The following ADGRB1 variants were observed in gnomAD, a reference collection of about 807,000 sequenced individuals.
ADGRB1 encodes the protein brain-specific angiogenesis inhibitor 1.
A neutral mutation model predicts 175.7 loss-of-function variants in ADGRB1; 36 were observed. That is an observed-to-expected ratio of 0.20 (90% confidence interval 0.16 to 0.27). The LOEUF is 0.27. Among genes scored for constraint, ADGRB1 ranks in the 10% least tolerant of loss-of-function variants. The pLI, the probability that ADGRB1 is intolerant of heterozygous loss-of-function variation, is 1.00. For missense variants in ADGRB1, 1,731 were observed against 2,255.3 expected (o/e 0.77, Z 4.71); for synonymous variants, 1,054 against 979.4 (o/e 1.08, Z -1.42).
intron 2 of ADGRB1, among the ~76,000 whole-genome samples, chr8:142,473,263 G>T (rs1346417114): frequency 6.6e-6 from 1 of 152,148 alleles, no homozygotes; most frequent in Non-Finnish European, 1.5e-5. Flanking sequence ...GGCGAGGGGG[G>T]TGCCGCAGGA....
At position 142,520,890 on chromosome 8, in the gene ADGRB1, C is replaced by T; in HGVS notation, c.2989C>T (p.Leu997Phe). Residue 997 changes from leucine to phenylalanine, a missense_variant, in exon 20 of 31, where the codon CTC (leucine) becomes TTC (phenylalanine). By Grantham distance (22) the Leu-to-Phe change is conservative (BLOSUM62 0). Transcript: ENST00000517894. ...FCLSIISSNALILIGQTQTRN... is the reference protein window; with the variant it reads ...FCLSIISSNAFILIGQTQTRN... The stretch of plus-strand genomic sequence containing the variant: ...CCTGTCCATCATCTCCTCCAATGCC[C>T]TCATCCTCATCGGGCAGACCCAGAC... The T allele has an allele frequency of 6.2e-7, 1 of 1,613,672 alleles. No homozygotes were observed. Among genetic ancestry groups the T allele is most frequent in the Non-Finnish European group, 8.5e-7 (1 of 1,179,702 alleles).
In ADGRB1 at chr8:142,484,640, C is replaced by A; in HGVS notation, c.2200-16C>A. On this transcript the variant is annotated splice_polypyrimidine_tract_variant and intron_variant, in intron 12 of 30. Coordinates refer to ENST00000517894, the MANE Select transcript of ADGRB1 (RefSeq NM_001702.3). ...TGGGGCCTCCTCCCTCGGCTGCTCA[C>A]CCCCCTGCCCTCCAGGCGGGCCCCA... is the stretch of plus-strand genomic sequence containing the variant. 1 of 1,598,718 alleles carries A rather than the reference C, an allele frequency of 6.3e-7. No homozygotes were observed. The highest frequency in any genetic ancestry group is 8.5e-7 in the Non-Finnish European group (1 of 1,173,584).
intron 11 of ADGRB1, among the ~76,000 whole-genome samples, chr8:142,482,392 A>ATG (rs1841404084): frequency 6.7e-6 from 1 of 150,114 alleles, no homozygotes; most frequent in East Asian, 2.0e-4. Context: ...TTCTGGTTAC[A>ATG]CTCAGAACCC....
rs527791965 is a variant in ADGRB1, at chr8:142,537,676, G to A, written c.3666+594G>A. Among the ~76,000 whole-genome samples, 5 of 152,188 alleles carry A rather than the reference G, an allele frequency of 3.3e-5. No individual in the cohort carries two copies. In the East Asian group the frequency reaches 9.7e-4, roughly 30 times the overall value. ...TGCCCATCCTGGTGTCCTCAGCGGT[G>A]TGTTCTGCACCCCCCGCCCCTGCCT... On this transcript the variant is annotated intron_variant, in intron 26 of 30. Coordinates refer to ENST00000517894, the MANE Select transcript of ADGRB1 (RefSeq NM_001702.3). This position sits in a 1 kb window ranked among gnomAD's most constrained non-coding sequence, Gnocchi z 4.6.
rs112756642 is a variant in ADGRB1, at chr8:142,488,282, C to T, written c.2309-82C>T. The T allele has an allele frequency of 1.8e-3, 2,763 of 1,558,558 alleles. 57 individuals are homozygous for T. In the African/African-American group the frequency reaches 0.033, roughly 19 times the overall value. On this transcript the variant is annotated intron_variant, in intron 13 of 30. Coordinates refer to ENST00000517894, the MANE Select transcript of ADGRB1 (RefSeq NM_001702.3). ...ATCAGCCTGCACTGCCAGGCCTGCA[C>T]CTCAACTCCCGCAGCTGAGGCCCCG...
In ADGRB1 at chr8:142,464,944, C is replaced by A; in HGVS notation, c.746C>A (p.Thr249Asn). ...GCTGGTGGCCCTGAAAACTGCCTCA[C>A]CAGCCTGACCCAGGACCGGGGCGGG... The part of the protein sequence containing the change: ...AVAGGPENCL[T>N]SLTQDRGGHG... The change falls in exon 2 of 31, where the codon ACC (threonine) becomes AAC (asparagine). Residue 249 changes from threonine to asparagine, a missense_variant. Thr to Asn is a moderately conservative substitution (Grantham distance 65, BLOSUM62 0). Coordinates refer to ENST00000517894, the MANE Select transcript of ADGRB1 (RefSeq NM_001702.3). The A allele has an allele frequency of 2.0e-6, 3 of 1,528,276 alleles. No homozygotes were observed. Among genetic ancestry groups the A allele is most frequent in the Non-Finnish European group, 2.6e-6 (3 of 1,142,960 alleles). 94.7% of individuals were successfully genotyped at this position (1,528,276 alleles called of 1,614,324 possible).
intron 1 of ADGRB1, among the ~76,000 whole-genome samples, chr8:142,454,797 A>T (rs1042494546): frequency 2.0e-5 from 3 of 151,696 alleles, no homozygotes; most frequent in Admixed American, 1.3e-4. Flanking sequence ...TTCTTTTTTC[A>T]TACTAACTCA....
Position 142,504,947 on chromosome 8 carries a change from T to C in ADGRB1, c.2676-5985T>C, listed in dbSNP as rs1842780974. 6.6e-6 allele frequency among the ~76,000 whole-genome samples: 1 copy of C among 151,840 alleles called. No individual in the cohort carries two copies. The highest frequency in any genetic ancestry group is 2.4e-5 in the African/African-American group (1 of 41,304). On this transcript the variant is annotated intron_variant, in intron 17 of 30. Transcript: ENST00000517894. This position sits in a 1 kb window ranked among gnomAD's most constrained non-coding sequence, Gnocchi z 5.6. ...ACCCTGTGAGTCATTCACACTAGAG[T>C]GTGAATTAGCCCATCAAATCCAAGG...
In ADGRB1 at chr8:142,518,234, G is replaced by C. The variant is rs377716870; in HGVS notation, c.2914G>C (p.Val972Leu). The C allele has an allele frequency of 3.0e-5, 48 of 1,613,432 alleles. No individual in the cohort carries two copies. The highest frequency in any genetic ancestry group is 3.2e-5 in the Non-Finnish European group (38 of 1,179,752). ...LLMLVIIYVS[V>L]WRYIRSERSV... ...CATGCTGGTCATCATCTACGTGTCC[G>C]TGTGGAGGTGGGTGCCGCCCAGGTG... Residue 972 changes from valine to leucine, a missense_variant, in exon 19 of 31, where the codon GTG becomes CTG. Physicochemically the swap from Val to Leu is conservative, Grantham distance 32 (BLOSUM62 1). This residue lies in a region of ADGRB1 where 301 missense variants were observed against 488.4 expected (regional missense o/e 0.62). Transcript: ENST00000517894.
At chr8:142,489,214 G>A in intron 15 of ADGRB1, 104 bp downstream of exon 15, 5 of 1,545,730 alleles carry the variant, frequency 3.2e-6, no homozygotes, top group Non-Finnish European at 4.4e-6. Context: ...CTGGAGGAGT[G>A]TGGATGATGG....
intron 6 of ADGRB1, 131 bp from the exon 7 acceptor site, chr8:142,478,056 C>T (rs1157910985): frequency 1.8e-5 from 23 of 1,267,442 alleles, no homozygotes; most frequent in Non-Finnish European, 2.3e-5. Flanking sequence ...GTGGTGGCCC[C>T]CAGGGTGTTC....
chr8:142,539,337 G>C (rs773323512), intron 26 of ADGRB1, 37 bp from the exon 27 acceptor site: 2 of 1,560,820 alleles, frequency 1.3e-6, no homozygotes, highest in Non-Finnish European at 1.7e-6. Flanking sequence ...CCCGCTCCCA[G>C]AGGCGCTCAC....
rs1046757160 is a variant in ADGRB1 at position 142,544,694 on chromosome 8, G to A, written c.*277G>A. 4.3e-5 allele frequency: 13 copies of A among 305,812 alleles called. No individual in the cohort carries two copies. The highest frequency in any genetic ancestry group is 2.1e-4 in the Admixed American group (4 of 19,254). The allele number at this position is 305,812 out of a possible 1,614,324, so 18.9% of individuals were successfully genotyped here. Reference sequence around the variant, plus strand: ...GCCGAGGCCCAGCGGGCAGATGGGCGGACGGCTGTGGACCGTGGACAGGCC... The same window carrying A: ...GCCGAGGCCCAGCGGGCAGATGGGCAGACGGCTGTGGACCGTGGACAGGCC... On this transcript the variant is annotated 3_prime_UTR_variant, in exon 31 of 31. Coordinates refer to ENST00000517894, the MANE Select transcript of ADGRB1 (RefSeq NM_001702.3).
chr8:142,490,623 C>T (rs1841936253), intron 16 of ADGRB1, 149 bp from the exon 17 acceptor site: 1 of 890,488 alleles, frequency 1.1e-6, no homozygotes, highest in South Asian at 1.7e-5. Flanking sequence ...ACCCTGGACT[C>T]AGTTTCCTCC....
intron 13 of ADGRB1, among the ~76,000 whole-genome samples, chr8:142,487,266 T>A (rs1325595808): frequency 2.6e-5 from 4 of 152,066 alleles, no homozygotes; most frequent in African/African-American, 4.8e-5. Context: ...AGGGTGCTGC[T>A]CCAGCGTCCG....
At chr8:142,452,436 G>C (rs1449826727) in intron 1 of ADGRB1, among the ~76,000 whole-genome samples, 1 of 152,166 alleles carries the variant, frequency 6.6e-6, no homozygotes, top group Non-Finnish European at 1.5e-5. Flanking sequence ...TCCGGATCCC[G>C]GGCTAGGGAG....
At chr8:142,529,891 C>T (rs1844504907) in intron 24 of ADGRB1, among the ~76,000 whole-genome samples, 1 of 144,764 alleles carries the variant, frequency 6.9e-6, no homozygotes, top group Non-Finnish European at 1.5e-5. Context: ...TGTGAACGTG[C>T]ATCTGTGTGG....
In ADGRB1 at chr8:142,464,312, C is replaced by T. The variant is rs970885605; in HGVS notation, c.114C>T (p.Pro38=). The T allele has an allele frequency of 2.2e-5, 31 of 1,440,804 alleles. No individual in the cohort carries two copies. Among genetic ancestry groups the T allele is most frequent in the Admixed American group, 5.7e-5 (2 of 35,296 alleles). 89.3% of individuals were successfully genotyped at this position (1,440,804 alleles called of 1,614,324 possible). ...ARAAAGADAG[P]GPEPCATLVQ... ...CGGCCGCCGGAGCAGACGCGGGGCC[C>T]GGGCCCGAGCCGTGCGCCACGCTGG... The change falls in exon 2 of 31, where the codon CCC becomes CCT. Residue 38 remains proline (P), a synonymous_variant. Transcript: ENST00000517894.
chr8:142,537,032 G>A lies in ADGRB1; in HGVS notation c.3616G>A (p.Gly1206Ser), dbSNP rs1191980067. 6.3e-7 allele frequency: 1 copy of A among 1,590,804 alleles called. No homozygotes were observed. The highest frequency in any genetic ancestry group is 1.1e-5 in the South Asian group (1 of 87,570). Residue 1206 changes from glycine (G) to serine (S), a missense_variant, in exon 26 of 31, where the codon GGC becomes AGC. By Grantham distance (56) the Gly-to-Ser change is moderately conservative. This residue lies in a region of ADGRB1 where 301 missense variants were observed against 488.4 expected (regional missense o/e 0.62). Transcript: ENST00000517894. The surrounding 1 kb of genome is among the most constrained non-coding windows in gnomAD (Gnocchi z 4.6). ...KCRVVDRQEEGNGDSGGSFQN... is the reference protein window; with the variant it reads ...KCRVVDRQEESNGDSGGSFQN... ...CCGTGTGGTTGACCGGCAGGAGGAGGGCAACGGGGACTCAGGGGGCTCCTT... is the reference window on the plus strand; with the variant it reads ...CCGTGTGGTTGACCGGCAGGAGGAGAGCAACGGGGACTCAGGGGGCTCCTT...
Sources: gnomAD v4.1 joint callset for allele counts (sites outside exome capture counted in the v4.1 genomes callset) on GRCh38, gnomAD v4.1.1 for gene constraint, gnomAD v4.1.1 regional missense constraint, Gnocchi (gnomAD v3.1) non-coding constraint, MANE v1.5 for transcripts, NCBI Gene and HGNC (gene_info 2026-07-23, HGNC 2026-07-21) for gene names.